MDN1: variants seen among roughly 807,000 people sequenced by gnomAD.
MDN1 encodes the protein midasin AAA ATPase 1.
A neutral mutation model predicts 669.2 loss-of-function variants in MDN1; 266 were observed. The observed-to-expected ratio is 0.40, with a 90% CI of 0.36 to 0.44. MDN1 has a LOEUF of 0.44. MDN1 is among the 20% of genes least tolerant of loss of function. The pLI is 1.00. For synonymous variants in MDN1, 2,385 were observed against 2,457.1 expected (o/e 0.97, Z 0.87); for missense variants, 5,940 against 6,754.0 (o/e 0.88, Z 4.22).
chr6:89,679,310 G>A (rs982195566), intron 74 of MDN1, among the ~76,000 whole-genome samples: 1 of 152,120 alleles, frequency 6.6e-6, no homozygotes, highest in Non-Finnish European at 1.5e-5. Context: ...CTTGAACACT[G>A]GCCTACCTTA....
intron 11 of MDN1, among the ~76,000 whole-genome samples, chr6:89,778,756 G>A (rs1818476961): frequency 6.6e-6 from 1 of 151,666 alleles, no homozygotes; most frequent in Non-Finnish European, 1.5e-5. Context: ...TGTGGTGGTG[G>A]GCGCCTGTAG....
rs1460252906 is a variant in MDN1 at position 89,695,003 on chromosome 6, G to A, written c.9771+602C>T. Among the ~76,000 whole-genome samples the A allele has an allele frequency of 6.6e-6, 1 of 152,154 alleles. No homozygotes were observed. Among genetic ancestry groups the A allele is most frequent in the Non-Finnish European group, 1.5e-5 (1 of 68,030 alleles). On this transcript the variant is annotated intron_variant, in intron 61 of 101. Transcript: ENST00000369393. The surrounding 1 kb of genome is among the most constrained non-coding windows in gnomAD (Gnocchi z 4.1). ...AATCCCAGCACTTTGGGAGGCCAAG[G>A]CGGGTGGATCACTTGAGGTCAGAAT...
At chr6:89,716,499 C>G in intron 44 of MDN1, 151 bp downstream of exon 44, 1 of 710,486 alleles carries the variant, frequency 1.4e-6, no homozygotes, top group Non-Finnish European at 2.2e-6. Flanking sequence ...CTGTTCACCA[C>G]AGGGAGAAGT....
At chr6:89,649,090 G>A (rs1012254273) in intron 97 of MDN1, among the ~76,000 whole-genome samples, 2 of 151,764 alleles carry the variant, frequency 1.3e-5, no homozygotes, top group African/African-American at 4.8e-5. Flanking sequence ...CCTCTTGTAG[G>A]TAAAAAATTT....
intron 88 of MDN1, 116 bp from the exon 89 acceptor site, chr6:89,659,033 G>T (rs1260945207): frequency 9.5e-7 from 1 of 1,052,890 alleles, no homozygotes; most frequent in Non-Finnish European, 1.3e-6. Flanking sequence ...ACCAGCGAGT[G>T]GCAAATTGTG....
rs369168035 is a variant in MDN1, at chr6:89,789,897, C to T, written c.1113G>A (p.Met371Ile). 2.5e-6 allele frequency: 4 copies of T among 1,611,264 alleles called. No individual in the cohort carries two copies. The African/African-American group carries it at 5.3e-5, about 22-fold the overall frequency. Residue 371 changes from methionine to isoleucine, a missense_variant, in exon 7 of 102, where the codon ATG (methionine) becomes ATA (isoleucine). Physicochemically the swap from Met to Ile is conservative, Grantham distance 10 (BLOSUM62 1). Around this residue, in one of 5 missense-constraint regions of MDN1, gnomAD observed 1,203 missense variants for 1,268.9 expected, o/e 0.95. Coordinates refer to ENST00000369393, the MANE Select transcript of MDN1 (RefSeq NM_014611.3). Reference sequence around the variant, plus strand: ...CTCCAGGAACATCTGTGCAGCGATACATCCCCAAAAGCATCTGCAGAAAGA... The same window carrying T: ...CTCCAGGAACATCTGTGCAGCGATATATCCCCAAAAGCATCTGCAGAAAGA... Reference protein sequence around the residue: ...DQTDSKMLLGMYRCTDVPGEF... With the variant: ...DQTDSKMLLGIYRCTDVPGEF...
chr6:89,665,480 G>A lies in MDN1; in HGVS notation c.14095-852C>T, dbSNP rs1448210622. On this transcript the variant is annotated intron_variant, in intron 84 of 101. Transcript: ENST00000369393. Reference sequence around the variant, plus strand: ...TCCCAGCACTTTGGGAGGCTGAGGCGGGTGGATCACGCAGTCAGGAGTTTG... The same window carrying A: ...TCCCAGCACTTTGGGAGGCTGAGGCAGGTGGATCACGCAGTCAGGAGTTTG... Among the ~76,000 whole-genome samples the A allele has an allele frequency of 2.6e-5, 4 of 151,918 alleles. No individual in the cohort carries two copies. In the South Asian group the frequency reaches 8.3e-4, roughly 32 times the overall value.
rs1483789600 is a variant in MDN1, at chr6:89,738,868, G to T, written c.4594-413C>A. On this transcript the variant is annotated intron_variant, in intron 32 of 101. Transcript: ENST00000369393. ...GAAGGGCAGTCTGATGTAGGAGGAA[G>T]AAACTTCTTTTACATAGCTCAATGA... Among the ~76,000 whole-genome samples the T allele has an allele frequency of 2.0e-5, 3 of 152,154 alleles. No homozygotes were observed. In the East Asian group the frequency reaches 5.8e-4, roughly 29 times the overall value.
chr6:89,757,482 T>A (rs1013039906), intron 19 of MDN1, among the ~76,000 whole-genome samples: 3 of 152,218 alleles, frequency 2.0e-5, no homozygotes, highest in Non-Finnish European at 4.4e-5. Context: ...GGAAAAATTC[T>A]CCAGTGTTCT....
rs1184527784 is a variant in MDN1 at position 89,650,738 on chromosome 6, T to C, written c.16025A>G (p.Lys5342Arg). 1 of 1,613,740 alleles carries C rather than the reference T, an allele frequency of 6.2e-7. No homozygotes were observed. Residue 5342 changes from lysine to arginine, a missense_variant, in exon 96 of 102, where the codon AAG (lysine) becomes AGG (arginine). Transcript: ENST00000369393. ...TCCAGAGGGGAAGACTTACTTCAGCTTGGCTGCCTGGGTAGGCTCTAATAT... is the reference window on the plus strand; with the variant it reads ...TCCAGAGGGGAAGACTTACTTCAGCCTGGCTGCCTGGGTAGGCTCTAATAT... Reference protein sequence around the residue: ...RLILEPTQAAKLKGDYRTGKR... With the variant: ...RLILEPTQAARLKGDYRTGKR...
Position 89,688,623 on chromosome 6 carries a change from C to T in MDN1, c.11209G>A (p.Ala3737Thr). 1 of 1,614,152 alleles carries T rather than the reference C, an allele frequency of 6.2e-7. No homozygotes were observed. The highest frequency in any genetic ancestry group is 8.5e-7 in the Non-Finnish European group (1 of 1,180,008). The change falls in exon 66 of 102, where the codon GCT (alanine) becomes ACT (threonine). Residue 3737 changes from alanine to threonine, a missense_variant. By Grantham distance (58) the Ala-to-Thr change is moderately conservative. Around this residue, in one of 5 missense-constraint regions of MDN1, gnomAD observed 2,280 missense variants for 2,576.3 expected, o/e 0.88. Coordinates refer to ENST00000369393, the MANE Select transcript of MDN1 (RefSeq NM_014611.3). ...CQPVLQGFSEAVSHLLQDWPE... is the reference protein window; with the variant it reads ...CQPVLQGFSETVSHLLQDWPE... ...CAGTCCTGTAGCAAGTGACTGACAG[C>T]CTCTGAGAAACCTTGAAGCACAGGT... is the stretch of plus-strand genomic sequence containing the variant.
chr6:89,768,123 A>G (rs959495403), intron 15 of MDN1, among the ~76,000 whole-genome samples: 23 of 152,154 alleles, frequency 1.5e-4, no homozygotes, highest in Admixed American at 6.5e-5. Flanking sequence ...TAATCCCAGC[A>G]CTTTGGGAGG....
intron 12 of MDN1, among the ~76,000 whole-genome samples, chr6:89,775,631 A>G (rs2128323450): frequency 6.6e-6 from 1 of 152,346 alleles, no homozygotes; most frequent in South Asian, 2.1e-4. Context: ...GAAACAAAGT[A>G]GTGAGTATAC....
chr6:89,692,553 G>T lies in MDN1; in HGVS notation c.10477C>A (p.Pro3493Thr). 6.2e-7 allele frequency: 1 copy of T among 1,614,250 alleles called. No homozygotes were observed. ...ELEGKGQKAC[P>T]TREQLLMNAL... ...TTCATCAGCAGCTGCTCCCGAGTGG[G>T]ACAGGCTTTCTGGCCCTTGCCTTCC... Residue 3493 changes from proline (P) to threonine (T), a missense_variant, in exon 63 of 102, where the codon CCC (proline) becomes ACC (threonine). Pro to Thr is a conservative substitution (Grantham distance 38). This residue lies in a region of MDN1 where 2,280 missense variants were observed against 2,576.3 expected (regional missense o/e 0.88). Coordinates refer to ENST00000369393, the MANE Select transcript of MDN1 (RefSeq NM_014611.3).
intron 9 of MDN1, among the ~76,000 whole-genome samples, chr6:89,781,807 T>C (rs1263644656): frequency 6.6e-6 from 1 of 151,984 alleles, no homozygotes; most frequent in Non-Finnish European, 1.5e-5. Context: ...TTGGGCAACA[T>C]GGTGAAACAT....
Position 89,685,883 on chromosome 6 carries a change from T to C in MDN1, c.11663A>G (p.Gln3888Arg). ...SSLGEFHVRL[Q>R]MLLVFHCHVL... The stretch of plus-strand genomic sequence containing the variant: ...ATGACAATGGAAAACCAGTAACATC[T>C]GAAGTCGCACATGGAACTCTCCCAG... The change falls in exon 70 of 102, where the codon CAG becomes CGG. Residue 3888 changes from glutamine to arginine, a missense_variant. Transcript: ENST00000369393. The C allele has an allele frequency of 6.2e-7, 1 of 1,614,122 alleles. No individual in the cohort carries two copies. Among genetic ancestry groups the C allele is most frequent in the Non-Finnish European group, 8.5e-7 (1 of 1,180,012 alleles).
rs770944096 is a variant in MDN1, at chr6:89,644,075, G to A, written c.16721C>T (p.Ala5574Val). The A allele has an allele frequency of 1.9e-6, 3 of 1,614,114 alleles. No homozygotes were observed. In the East Asian group the frequency reaches 6.7e-5, roughly 36 times the overall value. Residue 5574 changes from alanine to valine, a missense_variant, in exon 102 of 102, where the codon GCA becomes GTA. This residue lies in a region of MDN1 where 2,280 missense variants were observed against 2,576.3 expected (regional missense o/e 0.88). Transcript: ENST00000369393. ...GGCATCGCTGAGTGTCTCAGGAAGT[G>A]CGTTTACATCTCGAAGAATGATATA... Reference protein sequence around the residue: ...PYYIILRDVNALPETLSDALR... With the variant: ...PYYIILRDVNVLPETLSDALR...
intron 33 of MDN1, among the ~76,000 whole-genome samples, chr6:89,733,784 G>C (rs886461081): frequency 4.0e-5 from 6 of 151,272 alleles, no homozygotes; most frequent in African/African-American, 1.5e-4. Flanking sequence ...TAAATTCCAG[G>C]TAAATTAAAA....
At chr6:89,791,930 C>G (rs562174133) in intron 5 of MDN1, among the ~76,000 whole-genome samples, 3 of 140,008 alleles carry the variant, frequency 2.1e-5, no homozygotes, top group African/African-American at 8.2e-5. Flanking sequence ...TGCAGTGGCA[C>G]GATCTCGGCT....
Sources: gnomAD v4.1 joint callset for allele counts (sites outside exome capture counted in the v4.1 genomes callset) on GRCh38, gnomAD v4.1.1 for gene constraint, gnomAD v4.1.1 regional missense constraint, Gnocchi (gnomAD v3.1) non-coding constraint, MANE v1.5 for transcripts, NCBI Gene and HGNC (gene_info 2026-07-23, HGNC 2026-07-21) for gene names.